BRDT: variants seen among roughly 807,000 people sequenced by gnomAD.
BRDT encodes the protein bromodomain testis associated.
BRDT carries 77 observed loss-of-function variants against 113.9 expected under a neutral mutation model. The observed-to-expected ratio is 0.68, with a 90% CI of 0.56 to 0.82. The LOEUF is 0.82. BRDT is among the 40% of genes least tolerant of loss of function. BRDT has a pLI of 0.00. For missense variants in BRDT, 1,027 were observed against 1,105.4 expected (o/e 0.93, Z 1.01); for synonymous variants, 358 against 366.5 (o/e 0.98, Z 0.26).
At chr1:91,987,679 T>C (rs1338092515) in intron 12 of BRDT, among the ~76,000 whole-genome samples, 1 of 151,942 alleles carries the variant, frequency 6.6e-6, no homozygotes, top group Non-Finnish European at 1.5e-5. Context: ...TTTTTTTAAA[T>C]CATATTATGT....
At chr1:91,993,976 TA>T (rs1686034163) in intron 14 of BRDT, 106 bp from the exon 15 acceptor site, 1 of 938,296 alleles carries the variant, frequency 1.1e-6, no homozygotes, top group Non-Finnish European at 1.5e-6. Context: ...TAAGGTATTT[TA>T]AAAAGGTAGC....
chr1:91,970,926 A>G (rs889589386), intron 4 of BRDT, among the ~76,000 whole-genome samples: 11 of 151,984 alleles, frequency 7.2e-5, no homozygotes, highest in South Asian at 2.1e-4. Context: ...AAAAAAAAAA[A>G]AAAAGAAAAG....
At chr1:92,002,545 A>G (rs1001415485) in intron 16 of BRDT, among the ~76,000 whole-genome samples, 18 of 151,844 alleles carry the variant, frequency 1.2e-4, no homozygotes, top group African/African-American at 3.9e-4. Context: ...TTGTATTTTT[A>G]TTGGAGGAGA....
chr1:91,978,069 T>C (rs539263807), intron 6 of BRDT, 99 bp from the exon 7 acceptor site: 8 of 1,153,594 alleles, frequency 6.9e-6, no homozygotes, highest in South Asian at 3.5e-5. Context: ...CTGTTTTCTG[T>C]ATATTTGAAT....
At chr1:91,964,099 C>G (rs1682803309) in intron 2 of BRDT, among the ~76,000 whole-genome samples, 1 of 152,004 alleles carries the variant, frequency 6.6e-6, no homozygotes, top group Non-Finnish European at 1.5e-5. Context: ...CTCGCTCTGT[C>G]CCCCAGGCTG....
chr1:91,965,839 C>T (rs1356050044), intron 3 of BRDT, among the ~76,000 whole-genome samples: 3 of 150,610 alleles, frequency 2.0e-5, no homozygotes, highest in Admixed American at 1.3e-4. Context: ...GAGCAAGACA[C>T]CTTCTCAAAA....
chr1:91,962,788 G>A lies in BRDT; in HGVS notation c.34G>A (p.Val12Ile), dbSNP rs770603753. The A allele has an allele frequency of 1.9e-6, 3 of 1,604,484 alleles. No individual in the cohort carries two copies. Among genetic ancestry groups the A allele is most frequent in the South Asian group, 2.3e-5 (2 of 88,810 alleles). Residue 12 changes from valine (V) to isoleucine (I), a missense_variant, in exon 2 of 19, where the codon GTT (valine) becomes ATT (isoleucine). Transcript: ENST00000399546. ...GCCAAGTCGACAAACAGCTATTATT[G>A]TTAACCCTCCTCCACCAGAATATAT... Reference protein sequence around the residue: ...SLPSRQTAIIVNPPPPEYINT... With the variant: ...SLPSRQTAIIINPPPPEYINT...
chr1:91,975,694 G>A (rs1358442334), intron 4 of BRDT, among the ~76,000 whole-genome samples: 1 of 152,230 alleles, frequency 6.6e-6, no homozygotes, highest in African/African-American at 2.4e-5. Flanking sequence ...TGCCTTGATG[G>A]AAGGTTGAAC....
chr1:91,997,279 A>G (rs982999232), intron 15 of BRDT, among the ~76,000 whole-genome samples: 4 of 152,126 alleles, frequency 2.6e-5, no homozygotes, highest in African/African-American at 4.8e-5. Context: ...ATTGTTGTAA[A>G]TTGAGAAGTA....
intron 12 of BRDT, among the ~76,000 whole-genome samples, chr1:91,984,700 A>G (rs1391032625): frequency 1.3e-5 from 2 of 152,202 alleles, no homozygotes; most frequent in African/African-American, 2.4e-5. Flanking sequence ...CAGTGGCACT[A>G]TCACGGCTCA....
chr1:91,999,389 G>A (rs1240894422), intron 15 of BRDT, among the ~76,000 whole-genome samples: 1 of 152,108 alleles, frequency 6.6e-6, no homozygotes, highest in Non-Finnish European at 1.5e-5. Flanking sequence ...ATATTTTTCA[G>A]AGAGTTGGAC....
At chr1:92,009,615 T>A (rs1687626408) in intron 18 of BRDT, among the ~76,000 whole-genome samples, 1 of 139,916 alleles carries the variant, frequency 7.1e-6, no homozygotes, top group Non-Finnish European at 1.5e-5. Flanking sequence ...AGCGCCATGA[T>A]CATGGCTCAC....
chr1:92,006,011 G>A (rs765329329), intron 18 of BRDT, among the ~76,000 whole-genome samples: 6 of 152,302 alleles, frequency 3.9e-5, no homozygotes, highest in Non-Finnish European at 8.8e-5. Flanking sequence ...TTTCAGAAGT[G>A]TTTAGTTTCC....
chr1:92,003,998 A>G (rs1435980277), intron 16 of BRDT, among the ~76,000 whole-genome samples: 1 of 152,162 alleles, frequency 6.6e-6, no homozygotes, highest in Non-Finnish European at 1.5e-5. Context: ...AGGACTCTCA[A>G]CAAACTCCAT....
chr1:92,009,512 T>C (rs1437371319), intron 18 of BRDT, among the ~76,000 whole-genome samples: 1 of 150,378 alleles, frequency 6.6e-6, no homozygotes, highest in East Asian at 1.9e-4. Flanking sequence ...AAAGCTGCCA[T>C]AAACATTTGT....
At chr1:91,984,053 G>T (rs1684974744) in intron 12 of BRDT, among the ~76,000 whole-genome samples, 1 of 152,088 alleles carries the variant, frequency 6.6e-6, no homozygotes, top group African/African-American at 2.4e-5. Flanking sequence ...TTCTGATAAT[G>T]TTAGTTGTTT....
chr1:91,987,842 A>G (rs1400166064), intron 12 of BRDT, among the ~76,000 whole-genome samples: 1 of 151,428 alleles, frequency 6.6e-6, no homozygotes, highest in Non-Finnish European at 1.5e-5. Flanking sequence ...TTTTAGTTCT[A>G]TGGGTTTTTT....
In BRDT at chr1:91,977,300, A is replaced by G. The variant is rs1684244166; in HGVS notation, c.876A>G (p.Ala292=). Reference sequence around the variant, plus strand: ...TTGCAAAGAAACATTTTTCATATGCATGGCCCTTTTATAATCCTGTTGACG... The same window carrying G: ...TTGCAAAGAAACATTTTTCATATGCGTGGCCCTTTTATAATCCTGTTGACG... ...EMLAKKHFSY[A]WPFYNPVDVN... The change falls in exon 6 of 19, where the codon GCA becomes GCG. Residue 292 remains alanine, a synonymous_variant. Coordinates refer to ENST00000399546, the MANE Select transcript of BRDT (RefSeq NM_207189.4). The G allele has an allele frequency of 2.0e-5, 33 of 1,613,968 alleles. No individual in the cohort carries two copies. In the East Asian group the frequency reaches 3.3e-4, roughly 16 times the overall value.
At chr1:92,008,948 A>G (rs1469516679) in intron 18 of BRDT, among the ~76,000 whole-genome samples, 1 of 152,240 alleles carries the variant, frequency 6.6e-6, no homozygotes, top group East Asian at 1.9e-4. Context: ...ACTAACATGT[A>G]TCACCTCACC....
Sources: allele counts gnomAD v4.1 joint callset (sites outside exome capture counted in the v4.1 genomes callset), GRCh38; gene constraint gnomAD v4.1.1; transcripts MANE v1.5; gene names NCBI Gene and HGNC (gene_info 2026-07-23, HGNC 2026-07-21).